Variants in RPH3A observed in about 807,000 individuals in gnomAD.
The protein encoded by RPH3A is rabphilin-3A.
In RPH3A, 48 loss-of-function variants were observed where a neutral mutation model predicts 102.2. That is an observed-to-expected ratio of 0.47 (90% CI 0.37 to 0.60). RPH3A has a LOEUF of 0.60. Among genes scored for constraint, RPH3A ranks in the 20% least tolerant of loss-of-function variants. The pLI, the probability that RPH3A is intolerant of heterozygous loss-of-function variation, is 0.00. For missense variants in RPH3A, 781 were observed against 910.1 expected (o/e 0.86, Z 1.83); for synonymous variants, 310 against 324.3 (o/e 0.96, Z 0.47).
intron 1 of RPH3A, among the ~76,000 whole-genome samples, chr12:112,678,140 T>C (rs1055571080): frequency 6.6e-6 from 1 of 151,410 alleles, no homozygotes; most frequent in Non-Finnish European, 1.5e-5. Context: ...GAGGTTGCAG[T>C]GAGCTGAGAT....
intron 1 of RPH3A, among the ~76,000 whole-genome samples, chr12:112,774,788 A>G (rs950818075): frequency 6.6e-5 from 10 of 151,476 alleles, no homozygotes; most frequent in Non-Finnish European, 2.9e-5. Flanking sequence ...GGGGTGAGGT[A>G]GGGGGCGGAG....
At chr12:112,666,293 G>T (rs533303034) in intron 1 of RPH3A, among the ~76,000 whole-genome samples, 12 of 152,168 alleles carry the variant, frequency 7.9e-5, no homozygotes, top group African/African-American at 2.7e-4. Flanking sequence ...GGAAGGTAGG[G>T]GATATGTCTA....
At chr12:112,827,974 C>T (rs2041908475) in intron 2 of RPH3A, among the ~76,000 whole-genome samples, 1 of 152,090 alleles carries the variant, frequency 6.6e-6, no homozygotes, top group Admixed American at 6.6e-5. Context: ...TAGAAAGACC[C>T]TGGATTCGAG....
chr12:112,638,810 CT>C (rs2039865572), intron 1 of RPH3A, among the ~76,000 whole-genome samples: 1 of 152,102 alleles, frequency 6.6e-6, no homozygotes, highest in Non-Finnish European at 1.5e-5. Context: ...GCAGAATGCC[CT>C]ATATGAGATG....
In RPH3A at chr12:112,803,190, T is replaced by C. The variant is rs75173704; in HGVS notation, c.-19+10927T>C. ...GTCTCCACAGCAGGGTGGTCTCTGA[T>C]GCCCTGAGGGGCTCCTCACCTGCTT... is the stretch of plus-strand genomic sequence containing the variant. On this transcript the variant is annotated intron_variant, in intron 2 of 21. Transcript: ENST00000389385. Among the ~76,000 whole-genome samples, 246 of 152,298 alleles carry C rather than the reference T, an allele frequency of 1.6e-3. 1 individual carries two copies. The highest frequency in any genetic ancestry group is 3.0e-3 in the Non-Finnish European group (205 of 68,014).
At chr12:112,577,702 C>T (rs2039369429) in intron 1 of RPH3A, among the ~76,000 whole-genome samples, 1 of 151,910 alleles carries the variant, frequency 6.6e-6, no homozygotes, top group African/African-American at 2.4e-5. Context: ...ACCATCATGC[C>T]CACCTATTTT....
chr12:112,606,740 G>A (rs2050616370), intron 1 of RPH3A, among the ~76,000 whole-genome samples: 1 of 152,164 alleles, frequency 6.6e-6, no homozygotes, highest in Admixed American at 6.5e-5. Context: ...CTTCAACAAG[G>A]CAACAGGAGA....
chr12:112,687,373 T>C (rs2040273129), intron 1 of RPH3A, among the ~76,000 whole-genome samples: 1 of 152,128 alleles, frequency 6.6e-6, no homozygotes, highest in African/African-American at 2.4e-5. Context: ...CTGGGATGCA[T>C]GTCCACTTCA....
intron 1 of RPH3A, among the ~76,000 whole-genome samples, chr12:112,778,636 T>A (rs2040985262): frequency 6.6e-6 from 1 of 152,176 alleles, no homozygotes; most frequent in South Asian, 2.1e-4. Flanking sequence ...GGTGCTCATA[T>A]AATGGCGTCA....
Position 112,792,278 on chromosome 12 carries a change from C to G in RPH3A, c.-19+15C>G, listed in dbSNP as rs1405347078. On this transcript the variant is annotated intron_variant, in intron 2 of 21. Transcript: ENST00000389385. ...CCAGCGTCGCGGTAAGTGATATTCT[C>G]CCGGGTTGTGCAGATGGGCTAGGGG... is the stretch of plus-strand genomic sequence containing the variant. 1.3e-5 allele frequency: 2 copies of G among 152,116 alleles called. No individual in the cohort carries two copies. Among genetic ancestry groups the G allele is most frequent in the Non-Finnish European group, 2.9e-5 (2 of 68,030 alleles). 9.4% of individuals were successfully genotyped at this position (152,116 alleles called of 1,614,324 possible).
At chr12:112,634,037 T>C (rs1055479671) in intron 1 of RPH3A, among the ~76,000 whole-genome samples, 8 of 152,282 alleles carry the variant, frequency 5.3e-5, no homozygotes, top group African/African-American at 1.7e-4. Flanking sequence ...GATGCTCATG[T>C]TTAATGCCAA....
chr12:112,743,848 A>G (rs2040726365), intron 1 of RPH3A, among the ~76,000 whole-genome samples: 1 of 152,098 alleles, frequency 6.6e-6, no homozygotes, highest in African/African-American at 2.4e-5. Context: ...GACTGCTAAG[A>G]TTTCATGGGG....
At chr12:112,804,758 G>C (rs2041425282) in intron 2 of RPH3A, among the ~76,000 whole-genome samples, 1 of 152,136 alleles carries the variant, frequency 6.6e-6, no homozygotes, top group Non-Finnish European at 1.5e-5. Context: ...TATCTCCTAG[G>C]GTTCTTGTAA....
intron 1 of RPH3A, among the ~76,000 whole-genome samples, chr12:112,752,039 T>C (rs905825829): frequency 7.2e-5 from 11 of 152,170 alleles, no homozygotes; most frequent in Admixed American, 7.2e-4. Flanking sequence ...TAAGATTTGC[T>C]CTCTTTGGGG....
intron 1 of RPH3A, among the ~76,000 whole-genome samples, chr12:112,604,996 G>A (rs541825417): frequency 1.2e-4 from 18 of 152,312 alleles, no homozygotes; most frequent in African/African-American, 4.3e-4. Context: ...TTTGGTAGAA[G>A]GGGAGGAGAA....
chr12:112,600,217 C>T (rs1947155464), intron 1 of RPH3A, among the ~76,000 whole-genome samples: 1 of 152,144 alleles, frequency 6.6e-6, no homozygotes, highest in Admixed American at 6.6e-5. Flanking sequence ...GGTTGATCCA[C>T]TCAGTCATCT....
intron 1 of RPH3A, among the ~76,000 whole-genome samples, chr12:112,611,727 T>C (rs1252048997): frequency 6.6e-6 from 1 of 152,136 alleles, no homozygotes; most frequent in Non-Finnish European, 1.5e-5. Flanking sequence ...ATTACAGGTA[T>C]GAGCCACTGT....
intron 1 of RPH3A, among the ~76,000 whole-genome samples, chr12:112,599,896 C>G (rs1241998451): frequency 6.6e-6 from 1 of 152,190 alleles, no homozygotes; most frequent in Non-Finnish European, 1.5e-5. Flanking sequence ...CACTAACTAT[C>G]CCAGTGACTT....
At chr12:112,635,916 AACTT>A (rs1276371195) in intron 1 of RPH3A, among the ~76,000 whole-genome samples, 2 of 152,222 alleles carry the variant, frequency 1.3e-5, no homozygotes, top group Non-Finnish European at 2.9e-5. Context: ...AACCCATGTC[AACTT>A]ACAAAATCTG....
Sources: gnomAD v4.1 joint callset for allele counts (sites outside exome capture counted in the v4.1 genomes callset) on GRCh38, gnomAD v4.1.1 for gene constraint, MANE v1.5 for transcripts, NCBI Gene and HGNC (gene_info 2026-07-23, HGNC 2026-07-21) for gene names.